The following ASPG variants were observed in gnomAD, a reference collection of about 807,000 sequenced individuals.
ASPG encodes the protein 60 kDa lysophospholipase.
ASPG carries 53 observed loss-of-function variants against 63.2 expected under a neutral mutation model. The ratio of observed to expected loss-of-function variants is 0.84; its 90% CI spans 0.67 to 1.05. The LOEUF (loss-of-function observed/expected upper bound fraction) is 1.05, where lower values mean the gene tolerates loss of function less well. Ranked by LOEUF, ASPG falls within the 50% of genes least tolerant of loss-of-function variation. ASPG has a pLI of 0.00. For synonymous variants in ASPG, 370 were observed against 355.0 expected (o/e 1.04, Z -0.48); for missense variants, 741 against 794.4 (o/e 0.93, Z 0.81).
Position 104,110,807 on chromosome 14 carries a change from G to C in ASPG, c.1521-695G>C. The C allele has an allele frequency of 1.0e-6, 1 of 985,180 alleles. No homozygotes were observed. Among genetic ancestry groups the C allele is most frequent in the Non-Finnish European group, 1.2e-6 (1 of 829,730 alleles). The allele number at this position is 985,180 out of a possible 1,614,324, so 61.0% of individuals were successfully genotyped here. Reference sequence around the variant, plus strand: ...GCCTTCCCTGCCGGGTCCCCACCTGGCCTGCTCCTGGCCTCCCCAGGTGGC... The same window carrying C: ...GCCTTCCCTGCCGGGTCCCCACCTGCCCTGCTCCTGGCCTCCCCAGGTGGC... On this transcript the variant is annotated intron_variant, in intron 13 of 15. Coordinates refer to ENST00000551177, the MANE Select transcript of ASPG (RefSeq NM_001080464.3). This position sits in a 1 kb window ranked among gnomAD's most constrained non-coding sequence, Gnocchi z 4.7.
chr14:104,091,443 C>T lies in ASPG; in HGVS notation c.83-1190C>T, dbSNP rs927086679. Among the ~76,000 whole-genome samples, 8 of 152,118 alleles carry T rather than the reference C, an allele frequency of 5.3e-5. No homozygotes were observed. Among genetic ancestry groups the T allele is most frequent in the African/African-American group, 1.9e-4 (8 of 41,404 alleles). ...CCTACTGGCGGGGTGATTTTGTCAG[C>T]GGCTGCACCTCAGCCGGCCTGCATC... On this transcript the variant is annotated intron_variant, in intron 1 of 15. Coordinates refer to ENST00000551177, the MANE Select transcript of ASPG (RefSeq NM_001080464.3). The surrounding 1 kb of genome is among the most constrained non-coding windows in gnomAD (Gnocchi z 6.4).
At chr14:104,097,330 C>T (rs1314772902) in intron 4 of ASPG, among the ~76,000 whole-genome samples, 3 of 152,102 alleles carry the variant, frequency 2.0e-5, no homozygotes, top group Non-Finnish European at 4.4e-5. Context: ...CTGTTGTTGG[C>T]GGCCTTGGAG....
chr14:104,112,572 C>T lies in ASPG; in HGVS notation c.*28C>T. ...TGAAGGCGTCCTGCTGCAGTATAAGCCATTCCTTCCTCCCATGACCTGCTG... is the reference window on the plus strand; with the variant it reads ...TGAAGGCGTCCTGCTGCAGTATAAGTCATTCCTTCCTCCCATGACCTGCTG... On this transcript the variant is annotated 3_prime_UTR_variant, in exon 16 of 16. Transcript: ENST00000551177. The T allele has an allele frequency of 1.2e-6, 2 of 1,608,910 alleles. No homozygotes were observed. Among genetic ancestry groups the T allele is most frequent in the Non-Finnish European group, 1.7e-6 (2 of 1,178,452 alleles).
chr14:104,091,334 T>A lies in ASPG; in HGVS notation c.83-1299T>A, dbSNP rs1341939015. Reference sequence around the variant, plus strand: ...CAGACCTTTGTTCCGGCAGCCCGTGTCCTGGCTGTGCTCTGGGCGCCTCGG... The same window carrying A: ...CAGACCTTTGTTCCGGCAGCCCGTGACCTGGCTGTGCTCTGGGCGCCTCGG... On this transcript the variant is annotated intron_variant, in intron 1 of 15. Transcript: ENST00000551177. This position sits in a 1 kb window ranked among gnomAD's most constrained non-coding sequence, Gnocchi z 6.4. Among the ~76,000 whole-genome samples, 1 of 152,128 alleles carries A rather than the reference T, an allele frequency of 6.6e-6. No homozygotes were observed. The highest frequency in any genetic ancestry group is 3.2e-3 in the Middle Eastern group (1 of 316).
In ASPG at chr14:104,091,829, G is replaced by C. The variant is rs1050443648; in HGVS notation, c.83-804G>C. Reference sequence around the variant, plus strand: ...GCTGGGGGAGGGAAGGGAGGGCCGGGAGGGAGCTTTGGGACTTGCTGGAGG... The same window carrying C: ...GCTGGGGGAGGGAAGGGAGGGCCGGCAGGGAGCTTTGGGACTTGCTGGAGG... On this transcript the variant is annotated intron_variant, in intron 1 of 15. Transcript: ENST00000551177. The surrounding 1 kb of genome is among the most constrained non-coding windows in gnomAD (Gnocchi z 6.4). Among the ~76,000 whole-genome samples, 4 of 151,544 alleles carry C rather than the reference G, an allele frequency of 2.6e-5. No homozygotes were observed. The highest frequency in any genetic ancestry group is 9.7e-5 in the African/African-American group (4 of 41,376).
At chr14:104,087,141 A>G (rs911613891) in intron 1 of ASPG, among the ~76,000 whole-genome samples, 2 of 152,166 alleles carry the variant, frequency 1.3e-5, no homozygotes, top group Non-Finnish European at 2.9e-5. Flanking sequence ...AGCCCAGGAG[A>G]CAAAGCCTAG....
chr14:104,095,507 C>T, intron 3 of ASPG, 24 bp from the exon 4 acceptor site: 2 of 1,611,996 alleles, frequency 1.2e-6, no homozygotes, highest in Non-Finnish European at 1.7e-6. Context: ...GGCTGGCCTG[C>T]CTGAGCATGC....
At chr14:104,111,774 TG>T in intron 14 of ASPG, 145 bp from the exon 15 acceptor site, 1 of 956,856 alleles carries the variant, frequency 1.0e-6, no homozygotes, top group South Asian at 1.6e-5. Context: ...GGGCTCTGAG[TG>T]GTGGGGGTGA....
intron 5 of ASPG, among the ~76,000 whole-genome samples, chr14:104,097,872 A>G (rs1041386694): frequency 8.8e-4 from 118 of 133,846 alleles, no homozygotes; most frequent in Non-Finnish European, 9.3e-4. Flanking sequence ...GTTCTACGTT[A>G]GAGATACGTA....
In ASPG at chr14:104,085,728, C is replaced by A; in HGVS notation, c.-43C>A. On this transcript the variant is annotated 5_prime_UTR_variant, in exon 1 of 16. Transcript: ENST00000551177. ...CCCTGAGTCCCGCAGGCCCTGCGTC[C>A]CCGCTGCACACCCCCGTCCACTCCC... 1 of 1,494,598 alleles carries A rather than the reference C, an allele frequency of 6.7e-7. No homozygotes were observed. The highest frequency in any genetic ancestry group is 8.9e-7 in the Non-Finnish European group (1 of 1,129,408). 92.6% of individuals were successfully genotyped at this position (1,494,598 alleles called of 1,614,324 possible).
At chr14:104,086,794 A>G (rs1331351108) in intron 1 of ASPG, among the ~76,000 whole-genome samples, 2 of 146,264 alleles carry the variant, frequency 1.4e-5, no homozygotes, top group Admixed American at 6.8e-5. Context: ...TCCTCCTCCC[A>G]CTCCCTGCTG....
intron 10 of ASPG, among the ~76,000 whole-genome samples, chr14:104,105,814 T>G (rs2037100104): frequency 6.6e-6 from 1 of 151,954 alleles, no homozygotes; most frequent in African/African-American, 2.4e-5. Context: ...GGGTTCCAGG[T>G]GAGGAACCCG....
Position 104,104,714 on chromosome 14 carries a change from G to A in ASPG, c.1029G>A (p.Leu343=). Residue 343 remains leucine, a synonymous_variant, in exon 9 of 16, where the codon CTG becomes CTA. Coordinates refer to ENST00000551177, the MANE Select transcript of ASPG (RefSeq NM_001080464.3). ...KLSYVLGQPG[L]SLDVRKELLT... Reference sequence around the variant, plus strand: ...CGTATGTGCTGGGCCAGCCAGGGCTGAGCCTGGATGTCAGGAAGGAGGTGC... The same window carrying A: ...CGTATGTGCTGGGCCAGCCAGGGCTAAGCCTGGATGTCAGGAAGGAGGTGC... The A allele has an allele frequency of 6.3e-7, 1 of 1,599,984 alleles. No homozygotes were observed. The highest frequency in any genetic ancestry group is 8.5e-7 in the Non-Finnish European group (1 of 1,171,398).
In ASPG at chr14:104,111,976, G is replaced by A. The variant is rs374185145; in HGVS notation, c.1677G>A (p.Ala559=). The change falls in exon 15 of 16, where the codon GCG becomes GCA. Residue 559 remains alanine, a synonymous_variant. Transcript: ENST00000551177. ...VVAFLQSLEG[A]VGAQAPCPEV... ...CCTTTCTACAGAGCCTGGAGGGTGC[G>A]GTTGGTGCCCAGGCCCCATGCCCAG... 4.9e-5 allele frequency: 76 copies of A among 1,556,504 alleles called. No homozygotes were observed. In the African/African-American group the frequency reaches 5.7e-4, roughly 12 times the overall value.
chr14:104,087,424 G>T (rs1462774060), intron 1 of ASPG, among the ~76,000 whole-genome samples: 2 of 152,210 alleles, frequency 1.3e-5, no homozygotes, highest in Non-Finnish European at 2.9e-5. Context: ...GGGGCTGTGG[G>T]CTGATAACAG....
At position 104,111,711 on chromosome 14, in the gene ASPG, C is replaced by G. The variant is rs1021731580; in HGVS notation, c.1620+110C>G. 16 of 967,074 alleles carry G rather than the reference C, an allele frequency of 1.7e-5. No homozygotes were observed. In the Admixed American group the frequency reaches 1.9e-4, roughly 12 times the overall value. The allele number at this position is 967,074 out of a possible 1,614,324, so 59.9% of individuals were successfully genotyped here. ...GCCCCTCCCCGCTCTGCCCCTCCCC[C>G]AAATGCCTGGCCCTCCCCATGCAGG... On this transcript the variant is annotated intron_variant, in intron 14 of 15. Transcript: ENST00000551177.
chr14:104,107,612 G>A (rs190199351), intron 12 of ASPG, among the ~76,000 whole-genome samples: 277 of 152,282 alleles, frequency 1.8e-3, no homozygotes, highest in African/African-American at 6.4e-3. Flanking sequence ...TGGGGCAGAA[G>A]GTCCTGGCCC....
At position 104,091,705 on chromosome 14, in the gene ASPG, T is replaced by C. The variant is rs979774241; in HGVS notation, c.83-928T>C. ...TTTAACTTGCCAAGTTTGGGGTTAA[T>C]TTGTGAGCCAGTGATAGGCGATGGG... On this transcript the variant is annotated intron_variant, in intron 1 of 15. Coordinates refer to ENST00000551177, the MANE Select transcript of ASPG (RefSeq NM_001080464.3). This position sits in a 1 kb window ranked among gnomAD's most constrained non-coding sequence, Gnocchi z 6.4. Among the ~76,000 whole-genome samples, 4 of 151,664 alleles carry C rather than the reference T, an allele frequency of 2.6e-5. No individual in the cohort carries two copies. Among genetic ancestry groups the C allele is most frequent in the African/African-American group, 9.7e-5 (4 of 41,252 alleles).
In ASPG at chr14:104,109,433, G is replaced by A; in HGVS notation, c.1520+118G>A. On this transcript the variant is annotated intron_variant, in intron 13 of 15. Coordinates refer to ENST00000551177, the MANE Select transcript of ASPG (RefSeq NM_001080464.3). The surrounding 1 kb of genome is among the most constrained non-coding windows in gnomAD (Gnocchi z 4.8). The stretch of plus-strand genomic sequence containing the variant: ...AGGGTGTGGGGGCTTTCAGAGGCGA[G>A]GCCCGCTGACCTCAGTGTGCACCAA... 8.6e-7 allele frequency: 1 copy of A among 1,169,568 alleles called. No individual in the cohort carries two copies. Among genetic ancestry groups the A allele is most frequent in the South Asian group, 1.5e-5 (1 of 65,186 alleles). 72.4% of individuals were successfully genotyped at this position (1,169,568 alleles called of 1,614,324 possible). A position where few individuals can be genotyped will look rare whatever the true frequency, so the allele number is the denominator to read the frequency against.
Sources: allele counts gnomAD v4.1 joint callset (sites outside exome capture counted in the v4.1 genomes callset), GRCh38; gene constraint gnomAD v4.1.1; non-coding constraint Gnocchi (gnomAD v3.1); transcripts MANE v1.5; gene names NCBI Gene and HGNC (gene_info 2026-07-23, HGNC 2026-07-21).